The following JARID2 variants were observed in gnomAD, a reference collection of about 807,000 sequenced individuals.
The protein encoded by JARID2 is jumonji and AT-rich interaction domain containing 2.
A neutral mutation model predicts 125.6 loss-of-function variants in JARID2; 21 were observed. The ratio of observed to expected loss-of-function variants is 0.17; its 90% confidence interval spans 0.12 to 0.24. The LOEUF (loss-of-function observed/expected upper bound fraction) is 0.24, where lower values mean the gene tolerates loss of function less well. JARID2 is among the 10% of genes least tolerant of loss of function. The pLI, the probability that JARID2 is intolerant of heterozygous loss-of-function variation, is 1.00. For missense variants in JARID2, 1,303 were observed against 1,639.6 expected (o/e 0.79, Z 3.55); for synonymous variants, 736 against 661.6 (o/e 1.11, Z -1.73).
intron 7 of JARID2, among the ~76,000 whole-genome samples, chr6:15,500,181 A>G (rs575632747): frequency 6.6e-6 from 1 of 152,226 alleles, no homozygotes; most frequent in Non-Finnish European, 1.5e-5. Context: ...TTTGATGTGC[A>G]TTTGCGCTGC....
At chr6:15,283,857 C>T (rs1760888231) in intron 1 of JARID2, among the ~76,000 whole-genome samples, 3 of 151,930 alleles carry the variant, frequency 2.0e-5, no homozygotes, top group South Asian at 4.2e-4. Context: ...AGGCGCCTGC[C>T]ACCATGCCCG....
chr6:15,328,100 CTG>C (rs1488537521), intron 1 of JARID2, among the ~76,000 whole-genome samples: 1 of 152,080 alleles, frequency 6.6e-6, no homozygotes, highest in African/African-American at 2.4e-5. Context: ...AGACTCTCCT[CTG>C]TGTGAGAGTT....
chr6:15,424,243 C>A (rs932263807), intron 3 of JARID2, among the ~76,000 whole-genome samples: 1 of 151,494 alleles, frequency 6.6e-6, no homozygotes, highest in African/African-American at 2.4e-5. Flanking sequence ...TCTGGAATTA[C>A]AGTCATGAGC....
At chr6:15,412,058 CT>C (rs755514989) in intron 3 of JARID2, among the ~76,000 whole-genome samples, 1 of 152,230 alleles carries the variant, frequency 6.6e-6, no homozygotes, top group Non-Finnish European at 1.5e-5. Flanking sequence ...AAGAGGAACT[CT>C]TTTTCAGAGT....
chr6:15,339,029 C>T (rs940121916), intron 1 of JARID2, among the ~76,000 whole-genome samples: 2 of 152,086 alleles, frequency 1.3e-5, no homozygotes, highest in Non-Finnish European at 2.9e-5. Flanking sequence ...ATGAGCTTTA[C>T]GTCACATACA....
Position 15,465,788 on chromosome 6 carries a change from CTGTT to C in JARID2, c.494-2728_494-2725del, listed in dbSNP as rs549791539. Among the ~76,000 whole-genome samples, 628 of 147,598 alleles carry C rather than the reference CTGTT, an allele frequency of 4.3e-3. 19 individuals are homozygous for C. In the East Asian group the frequency reaches 0.078, roughly 18 times the overall value. ...TCTTACTGCTGTATTTTTTTTGTTG[CTGTT>C]TGTTTGTTTGTTTGTTTGTTTGTTT... On this transcript the variant is annotated intron_variant, in intron 4 of 17. Coordinates refer to ENST00000341776, the MANE Select transcript of JARID2 (RefSeq NM_004973.4).
chr6:15,487,566 C>T, intron 6 of JARID2, 24 bp downstream of exon 6: 2 of 1,545,348 alleles, frequency 1.3e-6, no homozygotes, highest in Non-Finnish European at 1.8e-6. Context: ...GGGGTGCCTA[C>T]ATGTGTGCCA....
chr6:15,328,483 T>C (rs975641564), intron 1 of JARID2, among the ~76,000 whole-genome samples: 1 of 152,224 alleles, frequency 6.6e-6, no homozygotes, highest in Admixed American at 6.5e-5. Flanking sequence ...GAAAAACTTA[T>C]TATCATTTAG....
intron 1 of JARID2, among the ~76,000 whole-genome samples, chr6:15,287,726 T>G (rs755385355): frequency 6.6e-6 from 1 of 152,206 alleles, no homozygotes; most frequent in Non-Finnish European, 1.5e-5. Context: ...AGTCTTACCT[T>G]GGCCTTAGCT....
chr6:15,299,434 A>G (rs547662091), intron 1 of JARID2, among the ~76,000 whole-genome samples: 3 of 152,290 alleles, frequency 2.0e-5, no homozygotes, highest in African/African-American at 7.2e-5. Context: ...GAGGGAACCA[A>G]AACATTTGTT....
chr6:15,357,843 A>T (rs1199931198), intron 1 of JARID2, among the ~76,000 whole-genome samples: 2 of 152,162 alleles, frequency 1.3e-5, no homozygotes, highest in African/African-American at 2.4e-5. Flanking sequence ...CTGCAGACCC[A>T]CGGACACCCC....
chr6:15,352,938 A>G (rs1158931554), intron 1 of JARID2, among the ~76,000 whole-genome samples: 2 of 152,298 alleles, frequency 1.3e-5, no homozygotes, highest in Non-Finnish European at 2.9e-5. Context: ...GTCCCATTTT[A>G]TGCATTCATG....
Position 15,501,424 on chromosome 6 carries a change from A to T in JARID2, c.2448+15A>T, listed in dbSNP as rs751084159. 1 of 1,518,584 alleles carries T rather than the reference A, an allele frequency of 6.6e-7. No individual in the cohort carries two copies. The highest frequency in any genetic ancestry group is 1.4e-5 in the African/African-American group (1 of 71,838). 94.1% of individuals were successfully genotyped at this position (1,518,584 alleles called of 1,614,324 possible). ...GCATCTATAAGGTAGGGGCCTCCGC[A>T]GAGCAGCCACTCCCAGCTGCAGGAG... On this transcript the variant is annotated intron_variant, in intron 8 of 17. Coordinates refer to ENST00000341776, the MANE Select transcript of JARID2 (RefSeq NM_004973.4).
At chr6:15,442,379 TC>T (rs1169939095) in intron 3 of JARID2, among the ~76,000 whole-genome samples, 17 of 152,382 alleles carry the variant, frequency 1.1e-4, no homozygotes, top group Non-Finnish European at 2.4e-4. Flanking sequence ...ATTTGTTCAC[TC>T]CTTGTAACTA....
chr6:15,455,192 CAAA>C (rs36088738), intron 4 of JARID2, among the ~76,000 whole-genome samples: 5 of 128,690 alleles, frequency 3.9e-5, no homozygotes, highest in East Asian at 4.3e-4. Context: ...CACTTTGTCT[CAAA>C]AAAAAAAAAA....
intron 1 of JARID2, among the ~76,000 whole-genome samples, chr6:15,275,533 GCCC>G (rs61037434): frequency 5.3e-5 from 1 of 18,708 alleles, no homozygotes; most frequent in Non-Finnish European, 9.1e-5. Flanking sequence ...CGCCCCCCCC[GCCC>G]CCCCCCCCGT....
At chr6:15,284,179 G>A (rs888079521) in intron 1 of JARID2, among the ~76,000 whole-genome samples, 5 of 152,150 alleles carry the variant, frequency 3.3e-5, no homozygotes, top group African/African-American at 1.2e-4. Flanking sequence ...CTCCCATTGA[G>A]CTAAACACCA....
chr6:15,519,430 T>C (rs1000567486), intron 17 of JARID2, among the ~76,000 whole-genome samples: 1 of 152,150 alleles, frequency 6.6e-6, no homozygotes, highest in Non-Finnish European at 1.5e-5. Flanking sequence ...TTTCATTCCA[T>C]GGCTGGCTTC....
intron 2 of JARID2, among the ~76,000 whole-genome samples, chr6:15,405,218 C>A (rs982178585): frequency 6.6e-6 from 1 of 152,214 alleles, no homozygotes; most frequent in Non-Finnish European, 1.5e-5. Flanking sequence ...TGCTGCTGTT[C>A]CAGACTCAGA....
Sources: allele counts gnomAD v4.1 joint callset (sites outside exome capture counted in the v4.1 genomes callset), GRCh38; gene constraint gnomAD v4.1.1; transcripts MANE v1.5; gene names NCBI Gene and HGNC (gene_info 2026-07-23, HGNC 2026-07-21).